The following ANXA4 variants were observed in gnomAD, a reference collection of about 807,000 sequenced individuals.
ANXA4 encodes 35-beta calcimedin.
A neutral mutation model predicts 49.8 loss-of-function variants in ANXA4; 39 were observed. That is an observed-to-expected ratio of 0.78 (90% CI 0.61 to 1.02). The LOEUF is 1.02. ANXA4 is among the 50% of genes least tolerant of loss of function. The pLI is 0.00. For missense variants in ANXA4, 360 were observed against 410.1 expected (o/e 0.88, Z 1.05); for synonymous variants, 134 against 152.5 (o/e 0.88, Z 0.89).
chr2:69,660,328 G>A (rs375413561), intron 2 of ANXA4, among the ~76,000 whole-genome samples: 3 of 152,100 alleles, frequency 2.0e-5, no homozygotes, highest in South Asian at 2.1e-4. Flanking sequence ...AGGAGCAAAC[G>A]TAAAATCACT....
intron 1 of ANXA4, among the ~76,000 whole-genome samples, chr2:69,651,418 A>T (rs1439149513): frequency 6.6e-6 from 1 of 152,148 alleles, no homozygotes; most frequent in African/African-American, 2.4e-5. Flanking sequence ...TTTGATTCTT[A>T]CTTGCCTTAC....
intron 6 of ANXA4, 38 bp downstream of exon 6, chr2:69,808,034 C>A (rs768911507): frequency 6.3e-7 from 1 of 1,588,828 alleles, no homozygotes; most frequent in Non-Finnish European, 8.6e-7. Context: ...TGAGGTTTCG[C>A]TGTGATTAGA....
chr2:69,814,349 T>TTC (rs1320152567), intron 8 of ANXA4, among the ~76,000 whole-genome samples: 2 of 142,494 alleles, frequency 1.4e-5, no homozygotes, highest in East Asian at 4.0e-4. Flanking sequence ...ATTCTTTTTT[T>TTC]TTTTTTTTTT....
chr2:69,718,234 A>C (rs1669704778), intron 2 of ANXA4, among the ~76,000 whole-genome samples: 2 of 152,158 alleles, frequency 1.3e-5, no homozygotes, highest in Non-Finnish European at 2.9e-5. Context: ...GATTTGCTAG[A>C]CAAAAGCTTG....
chr2:69,812,122 T>A (rs747478814), intron 7 of ANXA4, among the ~76,000 whole-genome samples: 2 of 83,844 alleles, frequency 2.4e-5, no homozygotes, highest in African/African-American at 6.1e-5. Context: ...CCTCCCCACC[T>A]TTTTTTTTTT....
chr2:69,694,775 T>C (rs1322810604), intron 2 of ANXA4, among the ~76,000 whole-genome samples: 10 of 152,002 alleles, frequency 6.6e-5, no homozygotes. Context: ...GTAAGATAAA[T>C]TTATTTATTT....
In ANXA4 at chr2:69,806,376, G is replaced by C. The variant is rs1673442246; in HGVS notation, c.193-9G>C. ...AGCAGTTAAGCGGAGCTACTTTCTT[G>C]CATTGCAGGACTTGATAGACGACCT... On this transcript the variant is annotated splice_polypyrimidine_tract_variant and intron_variant, in intron 4 of 12. Coordinates refer to ENST00000394295, the MANE Select transcript of ANXA4 (RefSeq NM_001153.5). 6.2e-7 allele frequency: 1 copy of C among 1,604,336 alleles called. No individual in the cohort carries two copies. Among genetic ancestry groups the C allele is most frequent in the Admixed American group, 1.7e-5 (1 of 60,014 alleles).
intron 1 of ANXA4, among the ~76,000 whole-genome samples, chr2:69,776,418 C>T (rs999897242): frequency 2.0e-5 from 3 of 152,188 alleles, no homozygotes; most frequent in African/African-American, 7.2e-5. Context: ...GCCATTCTAG[C>T]AAATCCCACT....
intron 3 of ANXA4, among the ~76,000 whole-genome samples, chr2:69,736,202 G>T (rs1573167390): frequency 6.6e-6 from 1 of 152,314 alleles, no homozygotes; most frequent in East Asian, 1.9e-4. Context: ...AAAGGACTTA[G>T]ATGCCACCTC....
chr2:69,812,753 C>T (rs771931798), intron 8 of ANXA4, 44 bp downstream of exon 8: 38 of 1,574,862 alleles, frequency 2.4e-5, no homozygotes, highest in East Asian at 1.1e-4. Context: ...TCTTCTCTTT[C>T]GCCAATGAGA....
intron 1 of ANXA4, among the ~76,000 whole-genome samples, chr2:69,747,545 G>T (rs1670660686): frequency 6.6e-6 from 1 of 152,148 alleles, no homozygotes; most frequent in Non-Finnish European, 1.5e-5. Flanking sequence ...CTGAAGCCAT[G>T]GATCCTTTCT....
intron 12 of ANXA4, among the ~76,000 whole-genome samples, chr2:69,824,436 G>A (rs1374432604): frequency 6.6e-6 from 1 of 151,248 alleles, no homozygotes; most frequent in Non-Finnish European, 1.5e-5. Flanking sequence ...CTGGGAGGCG[G>A]AGGTCGCAGT....
chr2:69,713,795 C>G (rs1678767320), intron 2 of ANXA4: 1 of 152,230 alleles, frequency 6.6e-6, no homozygotes, highest in Admixed American at 6.5e-5. Context: ...ACTCTCTTAA[C>G]AGTTTAGGAC....
chr2:69,806,579 G>C (rs3771539), intron 5 of ANXA4, 81 bp downstream of exon 5: 353,049 of 1,182,234 alleles, frequency 0.3, 55,955 homozygotes, highest in Admixed American at 0.55. Context: ...CACCCAATAA[G>C]AAAGACATGG....
At chr2:69,777,400 G>C (rs531206096) in intron 1 of ANXA4, among the ~76,000 whole-genome samples, 2 of 152,310 alleles carry the variant, frequency 1.3e-5, no homozygotes, top group East Asian at 3.9e-4. Context: ...CCATCCTATA[G>C]TTATCTGGGG....
rs1176423833 is a variant in ANXA4, at chr2:69,726,231, C to T, written n.864+5360C>T. 2.0e-5 allele frequency among the ~76,000 whole-genome samples: 3 copies of T among 152,316 alleles called. No individual in the cohort carries two copies. In the East Asian group the frequency reaches 5.8e-4, roughly 29 times the overall value. On this transcript the variant is annotated intron_variant and non_coding_transcript_variant, in intron 3 of 3. Coordinates refer to the ANXA4 transcript ENST00000418066. ...AAAGTGGCACTTCCCCCCTCACTCT[C>T]TCCTGCCAACACGTAAGACGCCTTG...
chr2:69,744,828 C>T (rs1670546957), intron 1 of ANXA4, among the ~76,000 whole-genome samples: 1 of 152,212 alleles, frequency 6.6e-6, no homozygotes, highest in South Asian at 2.1e-4. Context: ...GTGCTTGGTT[C>T]ATAGTAATTT....
In ANXA4 at chr2:69,647,358, T is replaced by G. The variant is rs144687851; in HGVS notation, n.481+2453T>G. On this transcript the variant is annotated intron_variant and non_coding_transcript_variant, in intron 1 of 3. Coordinates refer to the ANXA4 transcript ENST00000418066. The stretch of plus-strand genomic sequence containing the variant: ...TGCCAGTTATGGAATTTAAAAAATA[T>G]ATATATATTGTTTTATTGTTTTATT... 3.7e-3 allele frequency among the ~76,000 whole-genome samples: 565 copies of G among 151,384 alleles called. 1 individual carries two copies. The highest frequency in any genetic ancestry group is 0.013 in the African/African-American group (544 of 41,346).
At chr2:69,705,985 G>C (rs1374017842) in intron 2 of ANXA4, among the ~76,000 whole-genome samples, 6 of 151,854 alleles carry the variant, frequency 4.0e-5, no homozygotes, top group Non-Finnish European at 5.9e-5. Flanking sequence ...TAAGGTACAT[G>C]TTAATTTTTT....
Sources: gnomAD v4.1 joint callset for allele counts (sites outside exome capture counted in the v4.1 genomes callset) on GRCh38, gnomAD v4.1.1 for gene constraint, MANE v1.5 for transcripts, NCBI Gene and HGNC (gene_info 2026-07-23, HGNC 2026-07-21) for gene names.